The following TRAFD1 variants were observed in gnomAD, a reference collection of about 807,000 sequenced individuals.
The protein encoded by TRAFD1 is TRAF-type zinc finger domain-containing protein 1.
Under a neutral mutation model 65.3 loss-of-function variants are expected in TRAFD1, and 38 were observed. The ratio of observed to expected loss-of-function variants is 0.58; its 90% CI spans 0.45 to 0.76. The LOEUF is 0.76. Ranked by LOEUF, TRAFD1 falls within the 30% of genes least tolerant of loss-of-function variation. The probability of loss-of-function intolerance (pLI) is 0.00; values close to 1 mark genes in which losing one functional copy is unlikely to be tolerated. For missense variants in TRAFD1, 631 were observed against 712.6 expected (o/e 0.89, Z 1.30); for synonymous variants, 223 against 257.2 (o/e 0.87, Z 1.27).
intron 4 of TRAFD1, 62 bp downstream of exon 4, chr12:112,135,128 G>A: frequency 6.3e-7 from 1 of 1,591,162 alleles, no homozygotes; most frequent in Non-Finnish European, 8.6e-7. Context: ...CCCACATGCA[G>A]AGCAGGAAGC....
chr12:112,138,359 G>A (rs954902045), intron 4 of TRAFD1, among the ~76,000 whole-genome samples: 2 of 152,166 alleles, frequency 1.3e-5, no homozygotes, highest in African/African-American at 4.8e-5. Context: ...AGACCAGCCT[G>A]GTCAACATGG....
chr12:112,153,553 T>TAA lies in TRAFD1; in HGVS notation c.*763_*764dup. On this transcript the variant is annotated 3_prime_UTR_variant, in exon 12 of 12. Coordinates refer to ENST00000412615, the MANE Select transcript of TRAFD1 (RefSeq NM_006700.3). The stretch of plus-strand genomic sequence containing the variant: ...TCCCCTTGTTTTTATTTTACTGTTA[T>TAA]AATAATTATTAACTTCCTTGTAATA... 6.6e-6 allele frequency: 1 copy of TAA among 152,344 alleles called. No individual in the cohort carries two copies. Among genetic ancestry groups the TAA allele is most frequent in the Non-Finnish European group, 1.5e-5 (1 of 68,040 alleles). 9.4% of individuals were successfully genotyped at this position (152,344 alleles called of 1,614,324 possible). A position where few individuals can be genotyped will look rare whatever the true frequency, so the allele number is the denominator to read the frequency against.
intron 4 of TRAFD1, among the ~76,000 whole-genome samples, chr12:112,136,807 A>G (rs1388701339): frequency 6.6e-6 from 1 of 152,162 alleles, no homozygotes; most frequent in Non-Finnish European, 1.5e-5. Context: ...TGCCCAGGCT[A>G]GTCTCGAACT....
At chr12:112,142,328 T>G in intron 6 of TRAFD1, 33 bp downstream of exon 6, 1 of 1,585,180 alleles carries the variant, frequency 6.3e-7, no homozygotes, top group South Asian at 1.1e-5. Context: ...AGCCTCTTTC[T>G]CTACAGTTTT....
intron 1 of TRAFD1, among the ~76,000 whole-genome samples, chr12:112,127,410 T>G (rs1053535873): frequency 1.3e-5 from 2 of 152,220 alleles, no homozygotes; most frequent in African/African-American, 4.8e-5. Flanking sequence ...GAGACTATAT[T>G]TCCTTATTTT....
chr12:112,146,993 T>G (rs1188517760), intron 7 of TRAFD1, among the ~76,000 whole-genome samples: 3 of 118,210 alleles, frequency 2.5e-5, no homozygotes, highest in Non-Finnish European at 4.9e-5. Flanking sequence ...TTCTGTTTTT[T>G]TTTTTTTTTT....
rs578177454 is a variant in TRAFD1, at chr12:112,149,834, C to T, written c.1242C>T (p.Thr414=). ...IPRLDSQPQE[T]SPELPRRRVR... The stretch of plus-strand genomic sequence containing the variant: ...GACTGGATTCCCAGCCTCAAGAGAC[C>T]TCACCAGAGCTGCCCAGGAGGCGTG... Residue 414 remains threonine, a synonymous_variant, in exon 9 of 12, where the codon ACC becomes ACT. Coordinates refer to ENST00000412615, the MANE Select transcript of TRAFD1 (RefSeq NM_006700.3). 1.2e-6 allele frequency: 2 copies of T among 1,614,200 alleles called. No homozygotes were observed. Among genetic ancestry groups the T allele is most frequent in the East Asian group, 2.2e-5 (1 of 44,882 alleles).
intron 6 of TRAFD1, 71 bp from the exon 7 acceptor site, chr12:112,145,515 A>C: frequency 6.7e-7 from 1 of 1,485,100 alleles, no homozygotes; most frequent in East Asian, 2.3e-5. Flanking sequence ...AGACCCCATA[A>C]AGAGGATAAA....
chr12:112,131,306 A>G (rs1472111350), intron 2 of TRAFD1, among the ~76,000 whole-genome samples: 2 of 152,206 alleles, frequency 1.3e-5, no homozygotes, highest in Non-Finnish European at 2.9e-5. Flanking sequence ...AAAGAGACAC[A>G]TTGGTTTTTA....
In TRAFD1 at chr12:112,151,811, T is replaced by G; in HGVS notation, c.1290T>G (p.Ser430=). The G allele has an allele frequency of 6.2e-7, 1 of 1,612,996 alleles. No homozygotes were observed. The highest frequency in any genetic ancestry group is 1.1e-5 in the South Asian group (1 of 91,066). The part of the protein sequence containing the change: ...RRRVRHQGDL[S]SGYLDDTKQE... ...ATTTTCTCTTCTCAGGAGACCTGTC[T>G]TCTGGTTACCTGGATGATACTAAGC... is the stretch of plus-strand genomic sequence containing the variant. Residue 430 remains serine, a synonymous_variant, in exon 10 of 12, where the codon TCT becomes TCG. Transcript: ENST00000412615.
At position 112,130,805 on chromosome 12, in the gene TRAFD1, T is replaced by C. The variant is rs1343120954; in HGVS notation, c.47+236T>C. Among the ~76,000 whole-genome samples, 2 of 152,232 alleles carry C rather than the reference T, an allele frequency of 1.3e-5. No individual in the cohort carries two copies. The highest frequency in any genetic ancestry group is 2.9e-5 in the Non-Finnish European group (2 of 68,038). ...CTGTTGGGGTTTTCCTAAGAACTTA[T>C]CTTGGTATCTTGGTGCTATACAAGT... On this transcript the variant is annotated intron_variant, in intron 2 of 11. Coordinates refer to ENST00000412615, the MANE Select transcript of TRAFD1 (RefSeq NM_006700.3). The surrounding 1 kb of genome is among the most constrained non-coding windows in gnomAD (Gnocchi z 4.4).
Position 112,137,178 on chromosome 12 carries a change from G to T in TRAFD1, c.237+2112G>T, listed in dbSNP as rs541521208. Among the ~76,000 whole-genome samples, 2 of 152,130 alleles carry T rather than the reference G, an allele frequency of 1.3e-5. No individual in the cohort carries two copies. Among genetic ancestry groups the T allele is most frequent in the African/African-American group, 4.8e-5 (2 of 41,430 alleles). On this transcript the variant is annotated intron_variant, in intron 4 of 11. Transcript: ENST00000412615. The surrounding 1 kb of genome is among the most constrained non-coding windows in gnomAD (Gnocchi z 4.2). ...GTGGAGGTTGCAGTGAGCCGAGATC[G>T]TGCCATTGCACTCCAGCCTGGGTGA...
chr12:112,138,821 G>A (rs1338611626), intron 4 of TRAFD1, among the ~76,000 whole-genome samples: 2 of 144,336 alleles, frequency 1.4e-5, no homozygotes, highest in Non-Finnish European at 3.0e-5. Flanking sequence ...TCATGCCATT[G>A]TACTCCAGCC....
intron 4 of TRAFD1, among the ~76,000 whole-genome samples, chr12:112,135,677 G>C (rs2079595535): frequency 6.6e-6 from 1 of 152,018 alleles, no homozygotes; most frequent in Non-Finnish European, 1.5e-5. Context: ...AAAGTGCTGG[G>C]ATTACAGGCG....
rs2030439369 is a variant in TRAFD1, at chr12:112,152,531, G to A, written c.1692+32G>A. 1 of 1,612,982 alleles carries A rather than the reference G, an allele frequency of 6.2e-7. No homozygotes were observed. Among genetic ancestry groups the A allele is most frequent in the Non-Finnish European group, 8.5e-7 (1 of 1,179,232 alleles). On this transcript the variant is annotated intron_variant, in intron 11 of 11. Coordinates refer to ENST00000412615, the MANE Select transcript of TRAFD1 (RefSeq NM_006700.3). The surrounding 1 kb of genome is among the most constrained non-coding windows in gnomAD (Gnocchi z 5.0). ...TGGGCTCCAGCCCATGATGCTCAGTGGGGGACTCAGACATGGTGGGGCTTG... is the reference window on the plus strand; with the variant it reads ...TGGGCTCCAGCCCATGATGCTCAGTAGGGGACTCAGACATGGTGGGGCTTG...
intron 6 of TRAFD1, among the ~76,000 whole-genome samples, chr12:112,143,517 G>A (rs1034831820): frequency 6.6e-6 from 1 of 152,108 alleles, no homozygotes; most frequent in African/African-American, 2.4e-5. Flanking sequence ...GAGCCACTGC[G>A]CCCAGCCATT....
Position 112,142,219 on chromosome 12 carries a change from A to G in TRAFD1, c.774A>G (p.Ala258=). Residue 258 remains alanine, a synonymous_variant, in exon 6 of 12, where the codon GCA becomes GCG. Coordinates refer to ENST00000412615, the MANE Select transcript of TRAFD1 (RefSeq NM_006700.3). ...LQNEGQASSV[A]EQDFWRAVCE... ...ATGAAGGCCAAGCCTCCAGTGTGGC[A>G]GAGCAGGACTTCTGGAGGGCCGTAT... 6.2e-7 allele frequency: 1 copy of G among 1,614,008 alleles called. No individual in the cohort carries two copies. The highest frequency in any genetic ancestry group is 8.5e-7 in the Non-Finnish European group (1 of 1,179,952).
At chr12:112,128,102 A>C (rs2079550265) in intron 1 of TRAFD1, among the ~76,000 whole-genome samples, 1 of 151,350 alleles carries the variant, frequency 6.6e-6, no homozygotes, top group African/African-American at 2.4e-5. Context: ...GCTTACTGCA[A>C]CCTCCACCTC....
chr12:112,153,078 T>C lies in TRAFD1; in HGVS notation c.*287T>C. On this transcript the variant is annotated 3_prime_UTR_variant, in exon 12 of 12. Transcript: ENST00000412615. ...CTGCCAGGGCTCCCTTTTGACTTAT[T>C]GTCGCCACTGCCCCTTGGTGCTGTG... 1 of 374,312 alleles carries C rather than the reference T, an allele frequency of 2.7e-6. No individual in the cohort carries two copies. Among genetic ancestry groups the C allele is most frequent in the South Asian group, 3.9e-5 (1 of 25,672 alleles). The allele number at this position is 374,312 out of a possible 1,614,324, so 23.2% of individuals were successfully genotyped here. A position where few individuals can be genotyped will look rare whatever the true frequency, so the allele number is the denominator to read the frequency against.
Sources: allele counts gnomAD v4.1 joint callset (sites outside exome capture counted in the v4.1 genomes callset), GRCh38; gene constraint gnomAD v4.1.1; non-coding constraint Gnocchi (gnomAD v3.1); transcripts MANE v1.5; gene names NCBI Gene and HGNC (gene_info 2026-07-23, HGNC 2026-07-21).